The following GPC6 variants were observed in gnomAD, a reference collection of about 807,000 sequenced individuals.
The protein encoded by GPC6 is glypican 6.
GPC6 carries 14 observed loss-of-function variants against 55.2 expected under a neutral mutation model. The observed-to-expected ratio is 0.25, with a 90% CI of 0.17 to 0.40. GPC6 has a LOEUF of 0.40. Among genes scored for constraint, GPC6 ranks in the 10% least tolerant of loss-of-function variants. The pLI is 1.00. For synonymous variants in GPC6, 278 were observed against 259.6 expected (o/e 1.07, Z -0.68); for missense variants, 641 against 708.5 (o/e 0.90, Z 1.08).
intron 7 of GPC6, among the ~76,000 whole-genome samples, chr13:94,395,125 C>T (rs79752594): frequency 6.6e-6 from 1 of 152,174 alleles, no homozygotes; most frequent in African/African-American, 2.4e-5. Context: ...ATTGTTTATT[C>T]CAATAGGCTG....
chr13:93,618,522 C>T (rs1238886249), intron 2 of GPC6, among the ~76,000 whole-genome samples: 2 of 152,020 alleles, frequency 1.3e-5, no homozygotes, highest in African/African-American at 2.4e-5. Context: ...AAGATCAAGG[C>T]TTTAAAGAGA....
chr13:94,011,009 G>T (rs1882223499), intron 3 of GPC6, among the ~76,000 whole-genome samples: 1 of 152,036 alleles, frequency 6.6e-6, no homozygotes, highest in Non-Finnish European at 1.5e-5. Flanking sequence ...ATGTTTTTGT[G>T]CCAAATAAGT....
chr13:93,910,352 C>T (rs1274750617), intron 3 of GPC6, among the ~76,000 whole-genome samples: 8 of 152,112 alleles, frequency 5.3e-5, no homozygotes, highest in Non-Finnish European at 1.2e-4. Context: ...GATTGTGAGG[C>T]CTCCCCAGCC....
At chr13:93,264,039 A>G (rs887757425) in intron 1 of GPC6, among the ~76,000 whole-genome samples, 4 of 152,094 alleles carry the variant, frequency 2.6e-5, no homozygotes, top group African/African-American at 4.8e-5. Context: ...CTCCTGGCCT[A>G]TCCCTGCTTG....
intron 2 of GPC6, among the ~76,000 whole-genome samples, chr13:93,614,762 A>T (rs1179519868): frequency 6.6e-6 from 1 of 152,220 alleles, no homozygotes; most frequent in Admixed American, 6.5e-5. Flanking sequence ...ACTGAAAAGT[A>T]AAGAAAAATA....
intron 5 of GPC6, among the ~76,000 whole-genome samples, chr13:94,295,667 G>A (rs1028800591): frequency 2.0e-5 from 3 of 152,112 alleles, no homozygotes; most frequent in Non-Finnish European, 2.9e-5. Context: ...CACCTCCATA[G>A]CAAAGAGCTT....
intron 2 of GPC6, among the ~76,000 whole-genome samples, chr13:93,771,601 ATAAAG>A (rs1344534092): frequency 6.6e-6 from 1 of 152,166 alleles, no homozygotes; most frequent in Non-Finnish European, 1.5e-5. Context: ...CCATTTTAAA[ATAAAG>A]TAAATACCTA....
At chr13:93,570,533 G>A (rs1257087233) in intron 2 of GPC6, among the ~76,000 whole-genome samples, 3 of 152,168 alleles carry the variant, frequency 2.0e-5, no homozygotes, top group Non-Finnish European at 4.4e-5. Context: ...ATGTGAAAAT[G>A]TGAAGATGAG....
chr13:94,296,430 G>C (rs1164199197), intron 5 of GPC6, among the ~76,000 whole-genome samples: 1 of 152,098 alleles, frequency 6.6e-6, no homozygotes, highest in Non-Finnish European at 1.5e-5. Flanking sequence ...GTGCTCTCCT[G>C]GTCTCCTGAA....
chr13:94,011,875 A>G (rs1265212118), intron 3 of GPC6, among the ~76,000 whole-genome samples: 1 of 152,142 alleles, frequency 6.6e-6, no homozygotes, highest in Admixed American at 6.5e-5. Context: ...TCATTATAGC[A>G]CCTCAAGCAG....
At chr13:94,398,898 T>G (rs1032573769) in intron 8 of GPC6, among the ~76,000 whole-genome samples, 2 of 152,190 alleles carry the variant, frequency 1.3e-5, no homozygotes, top group African/African-American at 4.8e-5. Context: ...GAAATTGAGT[T>G]TCATCTACCA....
chr13:93,908,111 C>T (rs1477038356), intron 3 of GPC6, among the ~76,000 whole-genome samples: 1 of 151,944 alleles, frequency 6.6e-6, no homozygotes, highest in Admixed American at 6.6e-5. Flanking sequence ...TCTTATGACC[C>T]AAGATTTTCT....
In GPC6 at chr13:93,997,934, A is replaced by G. The variant is rs74109184; in HGVS notation, c.712-29795A>G. ...TGAGTCCTTCCCTTCCTTATCTCCC[A>G]AATTTCCATCTCAAGTTCTGTGTTA... is the stretch of plus-strand genomic sequence containing the variant. On this transcript the variant is annotated intron_variant, in intron 3 of 8. Transcript: ENST00000377047. Among the ~76,000 whole-genome samples, 985 of 152,314 alleles carry G rather than the reference A, an allele frequency of 6.5e-3. 13 individuals are homozygous for G. Among genetic ancestry groups the G allele is most frequent in the African/African-American group, 0.023 (936 of 41,570 alleles).
intron 1 of GPC6, among the ~76,000 whole-genome samples, chr13:93,248,985 A>G (rs1171822538): frequency 6.6e-6 from 1 of 152,208 alleles, no homozygotes; most frequent in Non-Finnish European, 1.5e-5. Flanking sequence ...GATACTGAAC[A>G]TTGAAAGCAC....
chr13:93,289,503 ATAATGCAATGCAGAACAATTTATATG>A (rs2139078204), intron 1 of GPC6, among the ~76,000 whole-genome samples: 1 of 152,308 alleles, frequency 6.6e-6, no homozygotes, highest in East Asian at 1.9e-4. Context: ...TTTAAGAAAA[ATAATGCAATGCAGAACAATTTATATG>A]TAGTATATAA....
At chr13:93,293,156 T>G (rs928623600) in intron 1 of GPC6, among the ~76,000 whole-genome samples, 2 of 151,920 alleles carry the variant, frequency 1.3e-5, no homozygotes, top group Admixed American at 1.3e-4. Context: ...CTAATTTTTT[T>G]CTATTTGTAG....
At chr13:93,413,638 A>G (rs1048703447) in intron 1 of GPC6, among the ~76,000 whole-genome samples, 1 of 151,492 alleles carries the variant, frequency 6.6e-6, no homozygotes, top group Non-Finnish European at 1.5e-5. Flanking sequence ...ATGCAATCAT[A>G]TGATATATTT....
chr13:93,651,757 G>C (rs1203542042), intron 2 of GPC6, among the ~76,000 whole-genome samples: 1 of 152,084 alleles, frequency 6.6e-6, no homozygotes, highest in Non-Finnish European at 1.5e-5. Flanking sequence ...AAGGTATGTT[G>C]CTCCACAAGC....
At chr13:93,828,333 C>T (rs1384228100) in intron 2 of GPC6, among the ~76,000 whole-genome samples, 3 of 151,978 alleles carry the variant, frequency 2.0e-5, no homozygotes, top group African/African-American at 4.8e-5. Flanking sequence ...GTTTCCAGAT[C>T]GGAAGGTTTA....
Sources: gnomAD v4.1 joint callset for allele counts (sites outside exome capture counted in the v4.1 genomes callset) on GRCh38, gnomAD v4.1.1 for gene constraint, MANE v1.5 for transcripts, NCBI Gene and HGNC (gene_info 2026-07-23, HGNC 2026-07-21) for gene names.